CERCAM: variants seen among roughly 807,000 people sequenced by gnomAD.
The protein encoded by CERCAM is cerebral endothelial cell adhesion molecule.
In CERCAM, 59 loss-of-function variants were observed where a neutral mutation model predicts 66.0. The ratio of observed to expected loss-of-function variants is 0.89; its 90% CI spans 0.73 to 1.11. CERCAM has a LOEUF of 1.11. Among genes scored for constraint, CERCAM ranks in the 50% most tolerant of loss-of-function variants. CERCAM has a pLI of 0.00. For synonymous variants in CERCAM, 318 were observed against 343.6 expected, an observed-to-expected ratio of 0.93 and a Z score of 0.83; for missense variants, 840 against 828.3, an observed-to-expected ratio of 1.01 and a Z score of -0.17.
chr9:128,422,641 C>T (rs138867172), intron 1 of CERCAM: 36 of 536,198 alleles, frequency 6.7e-5, no homozygotes, highest in Non-Finnish European at 1.1e-4. Flanking sequence ...AGAGGGAGGA[C>T]GTGAAGCCCA....
rs746468482 is a variant in CERCAM, at chr9:128,428,787, A to T, written c.917A>T (p.His306Leu). ...GGCCCCCGCATGCAGGCCTCAGCTC[A>T]TGTGACTCGGCCCTCTAAGAGGCCC... ...VDGPRMQASA[H>L]VTRPSKRPSK... The change falls in exon 7 of 13, where the codon CAT becomes CTT. Residue 306 changes from histidine (H) to leucine (L), a missense_variant. Coordinates refer to ENST00000372838, the MANE Select transcript of CERCAM (RefSeq NM_016174.5). The T allele has an allele frequency of 1.9e-6, 3 of 1,613,916 alleles. No individual in the cohort carries two copies. Among genetic ancestry groups the T allele is most frequent in the Admixed American group, 3.3e-5 (2 of 60,000 alleles).
At chr9:128,430,399 G>A (rs1205808983) in intron 8 of CERCAM, among the ~76,000 whole-genome samples, 1 of 151,318 alleles carries the variant, frequency 6.6e-6, no homozygotes, top group East Asian at 2.0e-4. Flanking sequence ...GTGAGACTCT[G>A]TCTCAAAAAA....
intron 1 of CERCAM, 38 bp from the exon 2 acceptor site, chr9:128,422,830 G>A: frequency 1.2e-6 from 2 of 1,609,782 alleles, no homozygotes; most frequent in Non-Finnish European, 1.7e-6. Context: ...TCAATCCTGT[G>A]GCTGTGCCCC....
chr9:128,423,103 G>A lies in CERCAM; in HGVS notation c.309-43G>A, dbSNP rs772666407. On this transcript the variant is annotated intron_variant, in intron 2 of 12. Coordinates refer to ENST00000372838, the MANE Select transcript of CERCAM (RefSeq NM_016174.5). ...CTGTCCACTGCCCTGCAGAGAGGGA[G>A]GGGCATGTACCCCATGGGAACATCT... 19 of 1,559,158 alleles carry A rather than the reference G, an allele frequency of 1.2e-5. No homozygotes were observed. In the East Asian group the frequency reaches 4.1e-4, roughly 34 times the overall value.
rs1180801683 is a variant in CERCAM at position 128,431,488 on chromosome 9, A to C, written c.1203+185A>C. 8 of 677,116 alleles carry C rather than the reference A, an allele frequency of 1.2e-5. 1 individual carries two copies. In the East Asian group the frequency reaches 2.2e-4, roughly 19 times the overall value. The allele number at this position is 677,116 out of a possible 1,614,324, so 41.9% of individuals were successfully genotyped here. ...TAAGCGGTGCTTGTTTTCATTCTGCAGTCTCTCTTGAGCATCTACTATGTG... is the reference window on the plus strand; with the variant it reads ...TAAGCGGTGCTTGTTTTCATTCTGCCGTCTCTCTTGAGCATCTACTATGTG... On this transcript the variant is annotated intron_variant, in intron 9 of 12. Coordinates refer to ENST00000372838, the MANE Select transcript of CERCAM (RefSeq NM_016174.5).
chr9:128,424,240 T>C lies in CERCAM; in HGVS notation c.529T>C (p.Tyr177His). Residue 177 changes from tyrosine (Y) to histidine (H), a missense_variant, in exon 4 of 13, where the codon TAC becomes CAC. Physicochemically the swap from Tyr to His is moderately conservative, Grantham distance 83. Transcript: ENST00000372838. Reference protein sequence around the residue: ...VAPMLDSQTYYSNFWCGITPQ... With the variant: ...VAPMLDSQTYHSNFWCGITPQ... ...CCCAATGCTGGACTCCCAGACCTACTACTCCAACTTCTGGTGTGGGATCAC... is the reference window on the plus strand; with the variant it reads ...CCCAATGCTGGACTCCCAGACCTACCACTCCAACTTCTGGTGTGGGATCAC... 2 of 1,614,172 alleles carry C rather than the reference T, an allele frequency of 1.2e-6. No individual in the cohort carries two copies. Among genetic ancestry groups the C allele is most frequent in the Non-Finnish European group, 1.7e-6 (2 of 1,180,020 alleles).
intron 8 of CERCAM, chr9:128,430,921 A>C (rs1020442721): frequency 1.0e-5 from 4 of 388,130 alleles, no homozygotes; most frequent in Non-Finnish European, 1.8e-5. Flanking sequence ...AGGCAGGAAA[A>C]TCACTTGAAC....
At position 128,434,357 on chromosome 9, in the gene CERCAM, C is replaced by T. The variant is rs1270781510; in HGVS notation, c.1332-53C>T. 2.5e-6 allele frequency: 4 copies of T among 1,606,618 alleles called. No individual in the cohort carries two copies. The highest frequency in any genetic ancestry group is 2.7e-5 in the African/African-American group (2 of 74,696). ...CCTGTAGGAGCGGGTGTGGGAGGGT[C>T]CCATGACACCCAGGACCTAAGTGAC... On this transcript the variant is annotated intron_variant, in intron 10 of 12. Transcript: ENST00000372838. The surrounding 1 kb of genome is among the most constrained non-coding windows in gnomAD (Gnocchi z 4.5).
intron 1 of CERCAM, chr9:128,421,287 C>A (rs1833704198): frequency 8.1e-7 from 1 of 1,229,076 alleles, no homozygotes; most frequent in Non-Finnish European, 1.0e-6. Flanking sequence ...CAGGCCGACG[C>A]GGGACACCCA....
intron 3 of CERCAM, 97 bp downstream of exon 3, chr9:128,423,360 T>C: frequency 9.9e-7 from 1 of 1,012,468 alleles, no homozygotes; most frequent in Non-Finnish European, 1.5e-6. Context: ...CTCACGCCTA[T>C]AATCCTAGCA....
chr9:128,431,446 A>AC (rs1833974888), intron 9 of CERCAM, 143 bp downstream of exon 9: 3 of 1,041,076 alleles, frequency 2.9e-6, no homozygotes, highest in Middle Eastern at 2.3e-4. Context: ...TGTGTTCAAC[A>AC]CCCCAGTGGG....
intron 9 of CERCAM, among the ~76,000 whole-genome samples, chr9:128,432,308 G>C (rs1233908731): frequency 1.3e-5 from 2 of 151,684 alleles, no homozygotes; most frequent in South Asian, 2.1e-4. Context: ...TTACAGGCTT[G>C]AGTCACCATG....
In CERCAM at chr9:128,424,474, G is replaced by C. The variant is rs148040801; in HGVS notation, c.626G>C (p.Arg209Pro). The change falls in exon 5 of 13, where the codon CGT becomes CCT. Residue 209 changes from arginine to proline, a missense_variant. Physicochemically the swap from Arg to Pro is moderately radical, Grantham distance 103. Transcript: ENST00000372838. Reference sequence around the variant, plus strand: ...AACCGCCAGCGCCGGGGCTGCTTCCGTGTCCCCATGGTCCACTCCACCTTC... The same window carrying C: ...AACCGCCAGCGCCGGGGCTGCTTCCCTGTCCCCATGGTCCACTCCACCTTC... ...TKNRQRRGCF[R>P]VPMVHSTFLA... is the part of the protein sequence containing the mutation. The C allele has an allele frequency of 1.9e-6, 3 of 1,613,594 alleles. No homozygotes were observed. The Admixed American group carries it at 5.0e-5, about 27-fold the overall frequency.
rs1024800962 is a variant in CERCAM, at chr9:128,420,870, C to G, written c.-8C>G. On this transcript the variant is annotated 5_prime_UTR_variant, in exon 1 of 13. Transcript: ENST00000372838. The surrounding 1 kb of genome is among the most constrained non-coding windows in gnomAD (Gnocchi z 5.0). The stretch of plus-strand genomic sequence containing the variant: ...CCGGGGGCCGCTGCAGCCGCCCAAG[C>G]GCCCGCCATGCGCGCTGCCCGCGCC... 11 of 1,245,686 alleles carry G rather than the reference C, an allele frequency of 8.8e-6. No individual in the cohort carries two copies. The highest frequency in any genetic ancestry group is 8.6e-5 in the Admixed American group (2 of 23,380). The allele number at this position is 1,245,686 out of a possible 1,614,324, so 77.2% of individuals were successfully genotyped here. A position where few individuals can be genotyped will look rare whatever the true frequency, so the allele number is the denominator to read the frequency against.
intron 1 of CERCAM, chr9:128,421,296 C>T (rs1366235564): frequency 4.9e-6 from 6 of 1,227,844 alleles, no homozygotes; most frequent in Non-Finnish European, 6.1e-6. Context: ...GCGGGACACC[C>T]ACCCCTCCTT....
At position 128,428,330 on chromosome 9, in the gene CERCAM, C is replaced by T; in HGVS notation, c.795C>T (p.His265=). The T allele has an allele frequency of 6.2e-7, 1 of 1,614,112 alleles. No individual in the cohort carries two copies. Among genetic ancestry groups the T allele is most frequent in the Non-Finnish European group, 8.5e-7 (1 of 1,180,014 alleles). ...TCTCCGTCCACGTGTGCAATGAGCA[C>T]CGTTATGGGTACATGAATGTGCCGG... ...AGVSVHVCNE[H]RYGYMNVPVK... Residue 265 remains histidine (H), a synonymous_variant, in exon 6 of 13, where the codon CAC becomes CAT. Coordinates refer to ENST00000372838, the MANE Select transcript of CERCAM (RefSeq NM_016174.5).
At position 128,435,765 on chromosome 9, in the gene CERCAM, G is replaced by T; in HGVS notation, c.1648G>T (p.Glu550Ter). ...GGACGCCGAGTGGCTCAGTGACACG[G>T]AGACATCCTCTCCATGGGATGATGA... is the stretch of plus-strand genomic sequence containing the variant. ...AGDAEWLSDT[E>*]TSSPWDDDSG... The change falls in exon 12 of 13, where the codon GAG becomes TAG. Residue 550 changes from glutamate (E) to a stop codon, truncating the protein, a stop_gained. Transcript: ENST00000372838. LOFTEE classifies it high-confidence loss of function. The T allele has an allele frequency of 6.2e-7, 1 of 1,613,436 alleles. No homozygotes were observed. Among genetic ancestry groups the T allele is most frequent in the Non-Finnish European group, 8.5e-7 (1 of 1,179,882 alleles).
intron 9 of CERCAM, among the ~76,000 whole-genome samples, 168 bp from the exon 10 acceptor site, chr9:128,433,934 G>A (rs771602627): frequency 1.3e-5 from 2 of 152,246 alleles, no homozygotes; most frequent in East Asian, 3.8e-4. Context: ...ATGCCAGAGC[G>A]AGGTTGGGAT....
chr9:128,428,223 G>A, intron 5 of CERCAM, 79 bp from the exon 6 acceptor site: 1 of 1,528,080 alleles, frequency 6.5e-7, no homozygotes, highest in Non-Finnish European at 8.8e-7. Context: ...GTCACTGGCA[G>A]TGCTGGGCCT....
Sources: allele counts gnomAD v4.1 joint callset (sites outside exome capture counted in the v4.1 genomes callset), GRCh38; gene constraint gnomAD v4.1.1; non-coding constraint Gnocchi (gnomAD v3.1); transcripts MANE v1.5; gene names NCBI Gene and HGNC (gene_info 2026-07-23, HGNC 2026-07-21).